PTGFRN: variants seen among roughly 807,000 people sequenced by gnomAD.
PTGFRN encodes prostaglandin F2 receptor negative regulator.
PTGFRN carries 35 observed loss-of-function variants against 83.2 expected under a neutral mutation model. That is an observed-to-expected ratio of 0.42 (90% CI 0.32 to 0.56). PTGFRN has a LOEUF of 0.56. Ranked by LOEUF, PTGFRN falls within the 20% of genes least tolerant of loss-of-function variation. The probability of loss-of-function intolerance (pLI) is 0.11; values close to 1 mark genes in which losing one functional copy is unlikely to be tolerated. For synonymous variants in PTGFRN, 519 were observed against 498.6 expected (o/e 1.04, Z -0.55); for missense variants, 1,051 against 1,179.5 (o/e 0.89, Z 1.60).
At chr1:116,956,348 A>AT (rs750120300) in intron 4 of PTGFRN, among the ~76,000 whole-genome samples, 1 of 152,120 alleles carries the variant, frequency 6.6e-6, no homozygotes, top group Admixed American at 6.6e-5. Flanking sequence ...CAATGAAGAG[A>AT]TTTTTCTTTC....
chr1:116,970,795 C>G (rs1444648996), intron 6 of PTGFRN, among the ~76,000 whole-genome samples: 1 of 152,182 alleles, frequency 6.6e-6, no homozygotes, highest in African/African-American at 2.4e-5. Flanking sequence ...TCCTAAAAAT[C>G]CGTGACATAC....
chr1:116,974,667 T>C (rs1478871236), intron 7 of PTGFRN, among the ~76,000 whole-genome samples: 1 of 152,306 alleles, frequency 6.6e-6, no homozygotes, highest in East Asian at 1.9e-4. Flanking sequence ...CAGATATTTA[T>C]TGAGTTCCTT....
In PTGFRN at chr1:116,941,722, C is replaced by G. The variant is rs1314941331; in HGVS notation, c.57C>G (p.Cys19Trp). The G allele has an allele frequency of 6.2e-7, 1 of 1,609,690 alleles. No homozygotes were observed. The highest frequency in any genetic ancestry group is 1.7e-5 in the Admixed American group (1 of 59,646). The change falls in exon 2 of 9, where the codon TGC becomes TGG. Residue 19 changes from cysteine (C) to tryptophan (W), a missense_variant. Physicochemically the swap from Cys to Trp is radical, Grantham distance 215 (BLOSUM62 -2). This residue lies in a region of PTGFRN where 127 missense variants were observed against 168.4 expected (regional missense o/e 0.75). Transcript: ENST00000393203. The surrounding 1 kb of genome is among the most constrained non-coding windows in gnomAD (Gnocchi z 5.0). ...CATCTTTTATCATTGCAGCTCTTTGCCGAGGGCGTGTGGTGAGAGTCCCCA... is the reference window on the plus strand; with the variant it reads ...CATCTTTTATCATTGCAGCTCTTTGGCGAGGGCGTGTGGTGAGAGTCCCCA... ...LLLALLSLAL[C>W]RGRVVRVPTA...
Position 116,947,429 on chromosome 1 carries a change from G to A in PTGFRN, c.833-1763G>A, listed in dbSNP as rs1184729013. On this transcript the variant is annotated intron_variant, in intron 3 of 8. Coordinates refer to ENST00000393203, the MANE Select transcript of PTGFRN (RefSeq NM_020440.4). ...AGAACTGGTCCTTTTTTTCCCTTTA[G>A]CCTACTCCATCCTGTCTCTCAGCAG... Among the ~76,000 whole-genome samples, 4 of 151,964 alleles carry A rather than the reference G, an allele frequency of 2.6e-5. No homozygotes were observed. The South Asian group carries it at 8.3e-4, about 32-fold the overall frequency.
chr1:116,926,130 G>C (rs12032984), intron 1 of PTGFRN, among the ~76,000 whole-genome samples: 1 of 152,140 alleles, frequency 6.6e-6, no homozygotes, highest in Non-Finnish European at 1.5e-5. Context: ...TGGATCTAGG[G>C]AACAGTCAAA....
In PTGFRN at chr1:116,958,183, G is replaced by C. The variant is rs941807235; in HGVS notation, c.1214-3060G>C. ...TTAAGGATCAAAGGGTCTGTCACCT[G>C]TGAGGAGACAGAAGAGGAGTCCCCA... On this transcript the variant is annotated intron_variant, in intron 4 of 8. Transcript: ENST00000393203. This position sits in a 1 kb window ranked among gnomAD's most constrained non-coding sequence, Gnocchi z 4.9. 3.9e-5 allele frequency among the ~76,000 whole-genome samples: 6 copies of C among 152,172 alleles called. No individual in the cohort carries two copies. Among genetic ancestry groups the C allele is most frequent in the African/African-American group, 1.4e-4 (6 of 41,432 alleles).
intron 3 of PTGFRN, among the ~76,000 whole-genome samples, chr1:116,946,316 T>C (rs1260171287): frequency 6.6e-6 from 1 of 152,202 alleles, no homozygotes; most frequent in Non-Finnish European, 1.5e-5. Context: ...AAAGCAGGTC[T>C]GAGGTTCTTG....
rs1650380793 is a variant in PTGFRN at position 116,952,662 on chromosome 1, T to TC, written c.1213+3091dup. ...AAAAAAAAAGATGTGATTATACAGT[T>TC]CTCCTCTGAGGAAGGAAAACATTAA... On this transcript the variant is annotated intron_variant, in intron 4 of 8. Coordinates refer to ENST00000393203, the MANE Select transcript of PTGFRN (RefSeq NM_020440.4). This position sits in a 1 kb window ranked among gnomAD's most constrained non-coding sequence, Gnocchi z 4.0. Among the ~76,000 whole-genome samples, 1 of 152,178 alleles carries TC rather than the reference T, an allele frequency of 6.6e-6. No individual in the cohort carries two copies. Among genetic ancestry groups the TC allele is most frequent in the Admixed American group, 6.5e-5 (1 of 15,272 alleles).
Position 116,961,739 on chromosome 1 carries a change from A to T in PTGFRN, c.1639+71A>T. The T allele has an allele frequency of 2.1e-6, 3 of 1,400,640 alleles. No homozygotes were observed. The highest frequency in any genetic ancestry group is 9.7e-7 in the Non-Finnish European group (1 of 1,028,408). The allele number at this position is 1,400,640 out of a possible 1,614,324, so 86.8% of individuals were successfully genotyped here. A position where few individuals can be genotyped will look rare whatever the true frequency, so the allele number is the denominator to read the frequency against. On this transcript the variant is annotated intron_variant, in intron 5 of 8. Transcript: ENST00000393203. This position sits in a 1 kb window ranked among gnomAD's most constrained non-coding sequence, Gnocchi z 5.4. The stretch of plus-strand genomic sequence containing the variant: ...AAGTCGTGCCGCTGTGTGTTGATGC[A>T]CAGTCACCCTCTGCAGGTTATCACT...
chr1:116,971,282 T>A (rs558641572), intron 6 of PTGFRN, among the ~76,000 whole-genome samples: 28 of 152,362 alleles, frequency 1.8e-4, no homozygotes, highest in Admixed American at 8.5e-4. Flanking sequence ...TTGAATTTGC[T>A]TAGCCATTAC....
chr1:116,915,733 G>C (rs1177429571), intron 1 of PTGFRN, among the ~76,000 whole-genome samples: 2 of 152,196 alleles, frequency 1.3e-5, no homozygotes, highest in Non-Finnish European at 2.9e-5. Context: ...GTGTGTGCTT[G>C]TCTGTCGATG....
Position 116,974,253 on chromosome 1 carries a change from A to G in PTGFRN, c.2097A>G (p.Pro699=), listed in dbSNP as rs758181493. The part of the protein sequence containing the change: ...IFNASVHSDT[P]SVIRGDLIKL... Reference sequence around the variant, plus strand: ...ATGCTTCTGTGCATTCAGACACACCATCAGTAATTCGGGGAGATCTGATCA... The same window carrying G: ...ATGCTTCTGTGCATTCAGACACACCGTCAGTAATTCGGGGAGATCTGATCA... Residue 699 remains proline (P), a synonymous_variant, in exon 7 of 9, where the codon CCA becomes CCG. Coordinates refer to ENST00000393203, the MANE Select transcript of PTGFRN (RefSeq NM_020440.4). The G allele has an allele frequency of 2.5e-6, 4 of 1,613,324 alleles. No individual in the cohort carries two copies. In the South Asian group the frequency reaches 3.3e-5, roughly 13 times the overall value.
At chr1:116,957,553 A>G (rs1427742400) in intron 4 of PTGFRN, among the ~76,000 whole-genome samples, 1 of 152,122 alleles carries the variant, frequency 6.6e-6, no homozygotes, top group Non-Finnish European at 1.5e-5. Context: ...TGAAATATGT[A>G]TACATTGTTG....
intron 7 of PTGFRN, among the ~76,000 whole-genome samples, chr1:116,976,125 G>C (rs1456271046): frequency 6.6e-6 from 1 of 152,206 alleles, no homozygotes; most frequent in East Asian, 1.9e-4. Flanking sequence ...GGGTATCAGT[G>C]ATTGAAGATC....
intron 1 of PTGFRN, among the ~76,000 whole-genome samples, chr1:116,935,761 C>A (rs1282383107): frequency 6.6e-6 from 1 of 151,886 alleles, no homozygotes; most frequent in Non-Finnish European, 1.5e-5. Flanking sequence ...CTGTGTAGTT[C>A]CTGTTTTTTT....
chr1:116,941,639 T>C lies in PTGFRN; in HGVS notation c.50-76T>C. 6.6e-7 allele frequency: 1 copy of C among 1,520,314 alleles called. No individual in the cohort carries two copies. The highest frequency in any genetic ancestry group is 2.3e-5 in the East Asian group (1 of 44,310). 94.2% of individuals were successfully genotyped at this position (1,520,314 alleles called of 1,614,324 possible). On this transcript the variant is annotated intron_variant, in intron 1 of 8. Coordinates refer to ENST00000393203, the MANE Select transcript of PTGFRN (RefSeq NM_020440.4). The surrounding 1 kb of genome is among the most constrained non-coding windows in gnomAD (Gnocchi z 5.0). ...TCTGCCATGCCTGTGAGCAGGAGCA[T>C]CCACAGGTTTGCCACATTTGTCCTG...
chr1:116,968,719 C>G (rs185936825), intron 6 of PTGFRN, among the ~76,000 whole-genome samples: 14 of 152,280 alleles, frequency 9.2e-5, no homozygotes, highest in Non-Finnish European at 1.5e-4. Flanking sequence ...CCCCCATGCC[C>G]TTGCCCCTGG....
At chr1:116,947,757 C>G (rs1650237624) in intron 3 of PTGFRN, among the ~76,000 whole-genome samples, 1 of 152,196 alleles carries the variant, frequency 6.6e-6, no homozygotes, top group African/African-American at 2.4e-5. Flanking sequence ...TAGAATGGTT[C>G]AAACTGCAGA....
intron 6 of PTGFRN, among the ~76,000 whole-genome samples, chr1:116,968,637 C>T (rs1228722657): frequency 3.9e-5 from 6 of 152,090 alleles, no homozygotes; most frequent in African/African-American, 1.2e-4. Context: ...GCAACTATCA[C>T]TACTATCTAA....
Sources: allele counts gnomAD v4.1 joint callset (sites outside exome capture counted in the v4.1 genomes callset), GRCh38; gene constraint gnomAD v4.1.1; regional missense constraint gnomAD v4.1.1; non-coding constraint Gnocchi (gnomAD v3.1); transcripts MANE v1.5; gene names NCBI Gene and HGNC (gene_info 2026-07-23, HGNC 2026-07-21).